MYBPH: variants seen among roughly 807,000 people sequenced by gnomAD.
The protein encoded by MYBPH is myosin-binding protein H.
A neutral mutation model predicts 53.6 loss-of-function variants in MYBPH; 49 were observed. That is an observed-to-expected ratio of 0.91 (90% CI 0.73 to 1.16). The LOEUF is 1.16. Among genes scored for constraint, MYBPH ranks in the 50% most tolerant of loss-of-function variants. The pLI, the probability that MYBPH is intolerant of heterozygous loss-of-function variation, is 0.00. For synonymous variants in MYBPH, 239 were observed against 249.6 expected (o/e 0.96, Z 0.40); for missense variants, 558 against 624.1 (o/e 0.89, Z 1.13).
chr1:203,175,674 C>T lies in MYBPH; in HGVS notation c.82G>A (p.Glu28Lys), dbSNP rs1655794773. Reference sequence around the variant, plus strand: ...GATACTGCCACTTCTCCGGGAGGCTCTGCTGTGGGCACCTTGGCAGATTCA... The same window carrying T: ...GATACTGCCACTTCTCCGGGAGGCTTTGCTGTGGGCACCTTGGCAGATTCA... ...ASESAKVPTAEPPGEVAVSES... is the reference protein window; with the variant it reads ...ASESAKVPTAKPPGEVAVSES... Residue 28 changes from glutamate (E) to lysine (K), a missense_variant, in exon 1 of 11, where the codon GAG becomes AAG. By Grantham distance (56) the Glu-to-Lys change is moderately conservative (BLOSUM62 1). Transcript: ENST00000255416. 1 of 1,613,882 alleles carries T rather than the reference C, an allele frequency of 6.2e-7. No individual in the cohort carries two copies. Among genetic ancestry groups the T allele is most frequent in the Non-Finnish European group, 8.5e-7 (1 of 1,179,950 alleles).
chr1:203,171,904 G>C lies in MYBPH; in HGVS notation c.597+48C>G, dbSNP rs533068421. ...TCTCCCAGGCTCCCCTTAAATGGGG[G>C]CCCTGGTTCCCACCCAGGCTGTTAC... On this transcript the variant is annotated intron_variant, in intron 4 of 10. Transcript: ENST00000255416. This position sits in a 1 kb window ranked among gnomAD's most constrained non-coding sequence, Gnocchi z 4.2. 53 of 1,170,104 alleles carry C rather than the reference G, an allele frequency of 4.5e-5. No individual in the cohort carries two copies. In the African/African-American group the frequency reaches 8.2e-4, roughly 18 times the overall value. The allele number at this position is 1,170,104 out of a possible 1,614,324, so 72.5% of individuals were successfully genotyped here.
At position 203,168,663 on chromosome 1, in the gene MYBPH, T is replaced by C; in HGVS notation, c.1430A>G (p.His477Arg). 1 of 1,556,708 alleles carries C rather than the reference T, an allele frequency of 6.4e-7. No homozygotes were observed. The highest frequency in any genetic ancestry group is 8.7e-7 in the Non-Finnish European group (1 of 1,149,946). Residue 477 changes from histidine (H) to arginine (R), a missense_variant, in exon 10 of 11, where the codon CAC (histidine) becomes CGC (arginine). By Grantham distance (29) the His-to-Arg change is conservative. Coordinates refer to ENST00000255416, the MANE Select transcript of MYBPH (RefSeq NM_004997.3). ...CRLEVKASAA[H>R] ...TCACAGCCTCCTCCCGTGACTTCAG[T>C]GTGCGGCTGAGGCTGGAAGAGATGC... is the stretch of plus-strand genomic sequence containing the variant.
At chr1:203,177,762 G>T (rs1250751085), upstream of MYBPH, among the ~76,000 whole-genome samples, 6 of 152,390 alleles carry the variant, frequency 3.9e-5, no homozygotes, top group East Asian at 3.9e-4. Context: ...GCCCACAAGG[G>T]CTTGCAGCCC....
chr1:203,170,812 A>G (rs925817694), intron 6 of MYBPH, among the ~76,000 whole-genome samples: 1 of 152,160 alleles, frequency 6.6e-6, no homozygotes, highest in African/African-American at 2.4e-5. Context: ...GGACATTAAG[A>G]TTTGAGAAGC....
rs775382700 is a variant in MYBPH, at chr1:203,175,595, G to T, written c.161C>A (p.Ala54Asp). 6.8e-6 allele frequency: 11 copies of T among 1,613,772 alleles called. No individual in the cohort carries two copies. Among genetic ancestry groups the T allele is most frequent in the Non-Finnish European group, 9.3e-6 (11 of 1,180,024 alleles). Residue 54 changes from alanine to aspartate, a missense_variant, in exon 1 of 11, where the codon GCC (alanine) becomes GAC (aspartate). Coordinates refer to ENST00000255416, the MANE Select transcript of MYBPH (RefSeq NM_004997.3). ...CTTAGTGGCTGTGGAGGCTGTAGGG[G>T]CCTGTGGGGCAGGGGCCTGCGGCTT... The part of the protein sequence containing the change: ...VPKPQAPAPQ[A>D]PTASTATKPA...
In MYBPH at chr1:203,170,385, G is replaced by A. The variant is rs533458028; in HGVS notation, c.999C>T (p.Gly333=). The A allele has an allele frequency of 2.0e-5, 33 of 1,614,210 alleles. No individual in the cohort carries two copies. Among genetic ancestry groups the A allele is most frequent in the Middle Eastern group, 3.3e-4 (2 of 6,062 alleles). ...AGAAGACCCGGAAGGAGTACGAGTTGCCGATGATGAGGTCAGAGATGGTGC... is the reference window on the plus strand; with the variant it reads ...AGAAGACCCGGAAGGAGTACGAGTTACCGATGATGAGGTCAGAGATGGTGC... The part of the protein sequence containing the change: ...TTCTISDLII[G]NSYSFRVFSE... The change falls in exon 7 of 11, where the codon GGC becomes GGT. Residue 333 remains glycine (G), a synonymous_variant. Coordinates refer to ENST00000255416, the MANE Select transcript of MYBPH (RefSeq NM_004997.3).
upstream of MYBPH, among the ~76,000 whole-genome samples, chr1:203,176,303 G>A (rs1306690473): frequency 1.3e-5 from 2 of 152,134 alleles, no homozygotes; most frequent in East Asian, 3.9e-4. Context: ...AGTTCCCAGG[G>A]ACTCTCGCCT....
Position 203,171,606 on chromosome 1 carries a change from T to C in MYBPH, c.598-28A>G. 2 of 1,587,326 alleles carry C rather than the reference T, an allele frequency of 1.3e-6. No homozygotes were observed. The highest frequency in any genetic ancestry group is 1.7e-6 in the Non-Finnish European group (2 of 1,167,514). On this transcript the variant is annotated intron_variant, in intron 4 of 10. Transcript: ENST00000255416. This position sits in a 1 kb window ranked among gnomAD's most constrained non-coding sequence, Gnocchi z 4.2. Reference sequence around the variant, plus strand: ...GGCAGGGAGGAGCCCCCAGGGTGAGTGTAGGGAGGTGCCAGAGTCCCCACA... The same window carrying C: ...GGCAGGGAGGAGCCCCCAGGGTGAGCGTAGGGAGGTGCCAGAGTCCCCACA...
In MYBPH at chr1:203,168,645, C is replaced by G; in HGVS notation, c.*14G>C. ...CATTTACCTGGCTCCTCATCACAGCCTCCTCCCGTGACTTCAGTGTGCGGC... is the reference window on the plus strand; with the variant it reads ...CATTTACCTGGCTCCTCATCACAGCGTCCTCCCGTGACTTCAGTGTGCGGC... On this transcript the variant is annotated 3_prime_UTR_variant, in exon 10 of 11. Coordinates refer to ENST00000255416, the MANE Select transcript of MYBPH (RefSeq NM_004997.3). The G allele has an allele frequency of 6.8e-7, 1 of 1,460,272 alleles. No homozygotes were observed. The highest frequency in any genetic ancestry group is 9.1e-7 in the Non-Finnish European group (1 of 1,101,804). 90.5% of individuals were successfully genotyped at this position (1,460,272 alleles called of 1,614,324 possible).
At chr1:203,170,572 C>T (rs1469960183) in intron 6 of MYBPH, 122 bp from the exon 7 acceptor site, 115 of 1,289,492 alleles carry the variant, frequency 8.9e-5, no homozygotes, top group Non-Finnish European at 1.2e-4. Context: ...CTGAACCATC[C>T]AGCTTTGGGC....
upstream of MYBPH, among the ~76,000 whole-genome samples, chr1:203,178,022 A>G (rs1222008974): frequency 2.0e-5 from 3 of 152,242 alleles, no homozygotes; most frequent in African/African-American, 7.2e-5. Context: ...GTCACAAACC[A>G]TCAGGCCAAT....
chr1:203,174,231 C>T, intron 3 of MYBPH, 199 bp downstream of exon 3: 1 of 877,258 alleles, frequency 1.1e-6, no homozygotes, highest in South Asian at 5.2e-5. Context: ...GAAATGGCTT[C>T]TTAGACCTCC....
chr1:203,170,150 G>T, intron 7 of MYBPH, 141 bp downstream of exon 7: 1 of 988,846 alleles, frequency 1.0e-6, no homozygotes, highest in Non-Finnish European at 1.5e-6. Context: ...GTGTGTGTAT[G>T]CATAGCCGTG....
chr1:203,176,328 T>A (rs1297374079), upstream of MYBPH, among the ~76,000 whole-genome samples: 1 of 152,046 alleles, frequency 6.6e-6, no homozygotes, highest in Non-Finnish European at 1.5e-5. Context: ...TGTATGAGGC[T>A]GAGGGCCCTA....
In MYBPH at chr1:203,168,994, T is replaced by C; in HGVS notation, c.1329A>G (p.Lys443=). The change falls in exon 9 of 11, where the codon AAA becomes AAG. Residue 443 remains lysine, a synonymous_variant. Transcript: ENST00000255416. ...AGACCCCAGAATCAAAGGGGCTGGG[T>C]TTCCGGATCTCTAGGGTGCAGACGC... is the stretch of plus-strand genomic sequence containing the variant. ...EQGVCTLEIR[K]PSPFDSGVYT... 3 of 1,613,884 alleles carry C rather than the reference T, an allele frequency of 1.9e-6. No individual in the cohort carries two copies. Among genetic ancestry groups the C allele is most frequent in the Non-Finnish European group, 2.5e-6 (3 of 1,180,020 alleles).
At chr1:203,178,240 G>A (rs1031495936), upstream of MYBPH, among the ~76,000 whole-genome samples, 2 of 152,162 alleles carry the variant, frequency 1.3e-5, no homozygotes, top group Non-Finnish European at 2.9e-5. Context: ...ACATCCTCCC[G>A]ACCTCCTATC....
In MYBPH at chr1:203,168,927, C is replaced by A; in HGVS notation, c.1396G>T (p.Asp466Tyr). 1 of 1,614,084 alleles carries A rather than the reference C, an allele frequency of 6.2e-7. No individual in the cohort carries two copies. The highest frequency in any genetic ancestry group is 8.5e-7 in the Non-Finnish European group (1 of 1,180,026). Residue 466 changes from aspartate to tyrosine, a missense_variant, in exon 9 of 11, where the codon GAC (aspartate) becomes TAC (tyrosine). Coordinates refer to ENST00000255416, the MANE Select transcript of MYBPH (RefSeq NM_004997.3). ...TCACCTTTGACCTCCAGCCGGCAGT[C>A]CACAGATGCCTCCCCCAGCACATTT... ...AINVLGEASV[D>Y]CRLEVKASAA...
At chr1:203,178,278 G>T (rs887742546), upstream of MYBPH, among the ~76,000 whole-genome samples, 6 of 152,212 alleles carry the variant, frequency 3.9e-5, no homozygotes, top group African/African-American at 9.6e-5. Context: ...GAGGTACTTT[G>T]ATCTCTGAAT....
rs1198943243 is a variant in MYBPH at position 203,171,920 on chromosome 1, A to G, written c.597+32T>C. The stretch of plus-strand genomic sequence containing the variant: ...TAAATGGGGGCCCTGGTTCCCACCC[A>G]GGCTGTTACCCTTGGTGGGGGTAAT... On this transcript the variant is annotated intron_variant, in intron 4 of 10. Coordinates refer to ENST00000255416, the MANE Select transcript of MYBPH (RefSeq NM_004997.3). This position sits in a 1 kb window ranked among gnomAD's most constrained non-coding sequence, Gnocchi z 4.2. 20 of 1,284,004 alleles carry G rather than the reference A, an allele frequency of 1.6e-5. No individual in the cohort carries two copies. Among genetic ancestry groups the G allele is most frequent in the Non-Finnish European group, 1.6e-5 (16 of 1,000,354 alleles). The allele number at this position is 1,284,004 out of a possible 1,614,324, so 79.5% of individuals were successfully genotyped here. A position where few individuals can be genotyped will look rare whatever the true frequency, so the allele number is the denominator to read the frequency against.
Sources: allele counts gnomAD v4.1 joint callset (sites outside exome capture counted in the v4.1 genomes callset), GRCh38; gene constraint gnomAD v4.1.1; non-coding constraint Gnocchi (gnomAD v3.1); transcripts MANE v1.5; gene names NCBI Gene and HGNC (gene_info 2026-07-23, HGNC 2026-07-21).